The following BCL3 variants were observed in gnomAD, a reference collection of about 807,000 sequenced individuals.
BCL3 encodes BCL3 transcription coactivator, also known as B-cell lymphoma 3 protein.
Under a neutral mutation model 35.7 loss-of-function variants are expected in BCL3, and 15 were observed. The ratio of observed to expected loss-of-function variants is 0.42; its 90% CI spans 0.28 to 0.65. The LOEUF (loss-of-function observed/expected upper bound fraction) is 0.65. BCL3 is among the 30% of genes least tolerant of loss of function. BCL3 has a pLI of 0.22. For missense variants in BCL3, 565 were observed against 641.7 expected, an observed-to-expected ratio of 0.88 and a Z score of 1.29; for synonymous variants, 311 against 284.3, an observed-to-expected ratio of 1.09 and a Z score of -0.95.
intron 2 of BCL3, among the ~76,000 whole-genome samples, chr19:44,752,225 G>A (rs1967195057): frequency 6.8e-6 from 1 of 147,466 alleles, no homozygotes; most frequent in African/African-American, 2.5e-5. Context: ...TTCTGAGACA[G>A]GGTCTCGATC....
chr19:44,751,916 T>A (rs1200680807), intron 2 of BCL3, among the ~76,000 whole-genome samples: 1 of 152,074 alleles, frequency 6.6e-6, no homozygotes, highest in Non-Finnish European at 1.5e-5. Context: ...AACACTATTT[T>A]TGGAACGGTG....
Position 44,751,280 on chromosome 19 carries a change from G to T in BCL3, c.310G>T (p.Val104Leu). The T allele has an allele frequency of 6.2e-7, 1 of 1,611,114 alleles. No homozygotes were observed. Among genetic ancestry groups the T allele is most frequent in the Non-Finnish European group, 8.5e-7 (1 of 1,178,898 alleles). Residue 104 changes from valine (V) to leucine (L), a missense_variant, in exon 2 of 9, where the codon GTG (valine) becomes TTG (leucine). Physicochemically the swap from Val to Leu is conservative, Grantham distance 32. This residue lies in a region of BCL3 where 267 missense variants were observed against 281.5 expected (regional missense o/e 0.95). Coordinates refer to ENST00000164227, the MANE Select transcript of BCL3 (RefSeq NM_005178.5). ...GGCCATGGGCTCCCCGTTTCCTCTG[G>T]TGAACCTGCCTACACCCCTATACCC... is the stretch of plus-strand genomic sequence containing the variant. ...TRAMGSPFPL[V>L]NLPTPLYPMM... is the part of the protein sequence containing the mutation.
chr19:44,757,692 A>T lies in BCL3; in HGVS notation c.860A>T (p.Asn287Ile). The change falls in exon 6 of 9, where the codon AAC becomes ATC. Residue 287 changes from asparagine (N) to isoleucine (I), a missense_variant. Physicochemically the swap from Asn to Ile is moderately radical, Grantham distance 149. Around this residue, in one of 5 missense-constraint regions of BCL3, gnomAD observed 103 missense variants for 106.7 expected, o/e 0.97. Coordinates refer to ENST00000164227, the MANE Select transcript of BCL3 (RefSeq NM_005178.5). The surrounding 1 kb of genome is among the most constrained non-coding windows in gnomAD (Gnocchi z 8.4). Reference sequence around the variant, plus strand: ...CCGCTCATCCACGCCGTGGAAAACAACAGCCTTAGCATGGTGCAGCTGCTG... The same window carrying T: ...CCGCTCATCCACGCCGTGGAAAACATCAGCCTTAGCATGGTGCAGCTGCTG... The part of the protein sequence containing the change: ...RSPLIHAVEN[N>I]SLSMVQLLLQ... The T allele has an allele frequency of 6.2e-7, 1 of 1,613,864 alleles. No individual in the cohort carries two copies. The highest frequency in any genetic ancestry group is 8.5e-7 in the Non-Finnish European group (1 of 1,179,902).
Position 44,751,290 on chromosome 19 carries a change from C to G in BCL3, c.320C>G (p.Pro107Arg). The G allele has an allele frequency of 6.2e-7, 1 of 1,610,784 alleles. No individual in the cohort carries two copies. Among genetic ancestry groups the G allele is most frequent in the Non-Finnish European group, 8.5e-7 (1 of 1,178,832 alleles). Residue 107 changes from proline (P) to arginine (R), a missense_variant, in exon 2 of 9, where the codon CCT becomes CGT. Physicochemically the swap from Pro to Arg is moderately radical, Grantham distance 103. Around this residue, in one of 5 missense-constraint regions of BCL3, gnomAD observed 267 missense variants for 281.5 expected, o/e 0.95. Coordinates refer to ENST00000164227, the MANE Select transcript of BCL3 (RefSeq NM_005178.5). The part of the protein sequence containing the change: ...MGSPFPLVNL[P>R]TPLYPMMCPM... ...TCCCCGTTTCCTCTGGTGAACCTGC[C>G]TACACCCCTATACCCCATGATGTGC...
intron 1 of BCL3, among the ~76,000 whole-genome samples, chr19:44,749,921 G>A (rs764274257): frequency 4.6e-5 from 7 of 152,138 alleles, no homozygotes; most frequent in African/African-American, 9.7e-5. Flanking sequence ...TGGAAACTTG[G>A]GAGTTCAAGA....
Position 44,757,467 on chromosome 19 carries a change from TC to T in BCL3, c.813+53del. ...GAGCGGGGCCTTAGCAGGGGCGGGG[TC>T]TTGGCGGGGGCGGGGCCAGTGTGGG... On this transcript the variant is annotated intron_variant, in intron 5 of 8. Coordinates refer to ENST00000164227, the MANE Select transcript of BCL3 (RefSeq NM_005178.5). The surrounding 1 kb of genome is among the most constrained non-coding windows in gnomAD (Gnocchi z 8.4). The T allele has an allele frequency of 2.0e-6, 3 of 1,470,942 alleles. No homozygotes were observed. Among genetic ancestry groups the T allele is most frequent in the Non-Finnish European group, 2.8e-6 (3 of 1,078,500 alleles). The allele number at this position is 1,470,942 out of a possible 1,614,324, so 91.1% of individuals were successfully genotyped here.
chr19:44,754,804 T>C (rs1967251221), intron 2 of BCL3, among the ~76,000 whole-genome samples: 1 of 152,246 alleles, frequency 6.6e-6, no homozygotes. Context: ...CTGCGTGATC[T>C]CACCCTGGCA....
chr19:44,751,126 G>T (rs945828992), intron 1 of BCL3, 101 bp from the exon 2 acceptor site: 5 of 1,438,612 alleles, frequency 3.5e-6, no homozygotes, highest in Non-Finnish European at 4.7e-6. Flanking sequence ...AGGAGAAAGG[G>T]CAGGTGACAC....
Position 44,759,768 on chromosome 19 carries a change from C to A in BCL3, c.*153C>A. On this transcript the variant is annotated 3_prime_UTR_variant, in exon 9 of 9. Transcript: ENST00000164227. ...AGAAGCACATGCACCTACCCATACA[C>A]CCCCTCTTCTGAGCACAGATGTTCC... 1 of 556,926 alleles carries A rather than the reference C, an allele frequency of 1.8e-6. No homozygotes were observed. The highest frequency in any genetic ancestry group is 2.3e-5 in the South Asian group (1 of 44,098). 34.5% of individuals were successfully genotyped at this position (556,926 alleles called of 1,614,324 possible).
At chr19:44,756,987 C>T (rs1374291027) in intron 3 of BCL3, 30 bp from the exon 4 acceptor site, 5 of 1,567,562 alleles carry the variant, frequency 3.2e-6, no homozygotes, top group Non-Finnish European at 4.4e-6. Flanking sequence ...CAGGGCTGGA[C>T]ACAGGTCCCT....
chr19:44,758,446 C>CAA, intron 7 of BCL3, 33 bp downstream of exon 7: 1 of 1,527,646 alleles, frequency 6.5e-7, no homozygotes, highest in Non-Finnish European at 8.8e-7. Context: ...ATGCCCCTTG[C>CAA]ACACGTGTGT....
intron 2 of BCL3, among the ~76,000 whole-genome samples, chr19:44,755,886 T>A (rs1164011485): frequency 6.6e-6 from 1 of 152,092 alleles, no homozygotes; most frequent in Non-Finnish European, 1.5e-5. Context: ...ACCACTGCAC[T>A]CCAGCCTGGG....
chr19:44,747,848 G>A (rs1245162340), upstream of BCL3: 14 of 1,150,482 alleles, frequency 1.2e-5, no homozygotes, highest in Non-Finnish European at 1.5e-5. Flanking sequence ...GATTTTCCGA[G>A]CACCCACCCC....
Position 44,757,334 on chromosome 19 carries a change from C to A in BCL3, c.732C>A (p.Thr244=). 1.2e-6 allele frequency: 2 copies of A among 1,602,906 alleles called. No individual in the cohort carries two copies. Among genetic ancestry groups the A allele is most frequent in the South Asian group, 1.1e-5 (1 of 89,078 alleles). Residue 244 remains threonine, a synonymous_variant, in exon 5 of 9, where the codon ACC becomes ACA. Transcript: ENST00000164227. This position sits in a 1 kb window ranked among gnomAD's most constrained non-coding sequence, Gnocchi z 8.4. ...AGCCCTCCTCTCCCTCAGGGCTCAC[C>A]GCCCTGCACGTGGCAGTGAACACCG... ...DLEARNYDGL[T]ALHVAVNTEC...
intron 1 of BCL3, 52 bp downstream of exon 1, chr19:44,749,098 G>A (rs1366556103): frequency 3.0e-6 from 3 of 1,002,142 alleles, no homozygotes; most frequent in South Asian, 7.5e-5. Flanking sequence ...AGAGCATAGG[G>A]TCACCAGAGC....
Position 44,759,682 on chromosome 19 carries a change from C to A in BCL3, c.*67C>A. 1 of 1,162,622 alleles carries A rather than the reference C, an allele frequency of 8.6e-7. No individual in the cohort carries two copies. The highest frequency in any genetic ancestry group is 1.2e-6 in the Non-Finnish European group (1 of 838,768). The allele number at this position is 1,162,622 out of a possible 1,614,324, so 72.0% of individuals were successfully genotyped here. On this transcript the variant is annotated 3_prime_UTR_variant, in exon 9 of 9. Transcript: ENST00000164227. ...CCCCTGCCCTGTGGGGTCAACCCTT[C>A]TGGAAACTGTGAAGATCTCACTCTG...
At chr19:44,752,522 C>A (rs1967200956) in intron 2 of BCL3, among the ~76,000 whole-genome samples, 1 of 151,976 alleles carries the variant, frequency 6.6e-6, no homozygotes, top group African/African-American at 2.4e-5. Context: ...CTTTACTTTG[C>A]CATTTTCTAT....
chr19:44,748,134 T>C, upstream of BCL3: 1 of 1,289,314 alleles, frequency 7.8e-7, no homozygotes, highest in South Asian at 1.3e-5. Context: ...AGCGAGTAAG[T>C]GGGAACCGAG....
Position 44,748,915 on chromosome 19 carries a change from C to G in BCL3, c.125C>G (p.Pro42Arg). 1.7e-6 allele frequency: 2 copies of G among 1,161,982 alleles called. No individual in the cohort carries two copies. Among genetic ancestry groups the G allele is most frequent in the Non-Finnish European group, 2.1e-6 (2 of 944,564 alleles). 72.0% of individuals were successfully genotyped at this position (1,161,982 alleles called of 1,614,324 possible). ...AAGCGCCCGCTGCGCGCGCCCTCCC[C>G]GGAGCCCGCCGCTCCCCGCGGCGCT... ...LRKRPLRAPS[P>R]EPAAPRGAAG... The change falls in exon 1 of 9, where the codon CCG (proline) becomes CGG (arginine). Residue 42 changes from proline to arginine, a missense_variant. By Grantham distance (103) the Pro-to-Arg change is moderately radical (BLOSUM62 -2). Around this residue, in one of 5 missense-constraint regions of BCL3, gnomAD observed 267 missense variants for 281.5 expected, o/e 0.95. Coordinates refer to ENST00000164227, the MANE Select transcript of BCL3 (RefSeq NM_005178.5).
Sources: gnomAD v4.1 joint callset for allele counts (sites outside exome capture counted in the v4.1 genomes callset) on GRCh38, gnomAD v4.1.1 for gene constraint, gnomAD v4.1.1 regional missense constraint, Gnocchi (gnomAD v3.1) non-coding constraint, MANE v1.5 for transcripts, NCBI Gene and HGNC (gene_info 2026-07-23, HGNC 2026-07-21) for gene names.